SCN11A: variants seen among roughly 807,000 people sequenced by gnomAD.
SCN11A encodes the protein sodium voltage-gated channel alpha subunit 11.
Under a neutral mutation model 162.2 loss-of-function variants are expected in SCN11A, and 122 were observed. The observed-to-expected ratio is 0.75, with a 90% CI of 0.65 to 0.87. The LOEUF is 0.87. Ranked by LOEUF, SCN11A falls within the 40% of genes least tolerant of loss-of-function variation. SCN11A has a pLI of 0.00. For synonymous variants in SCN11A, 758 were observed against 751.5 expected, an observed-to-expected ratio of 1.01 and a Z score of -0.14; for missense variants, 2,015 against 2,181.6, an observed-to-expected ratio of 0.92 and a Z score of 1.52.
intron 1 of SCN11A, among the ~76,000 whole-genome samples, chr3:39,034,159 C>T (rs1036315640): frequency 6.9e-6 from 1 of 145,912 alleles, no homozygotes; most frequent in Non-Finnish European, 1.5e-5. Context: ...GAGACTCCAT[C>T]TCAAAAACAA....
intron 4 of SCN11A, among the ~76,000 whole-genome samples, chr3:38,951,613 C>T (rs1403459858): frequency 6.6e-6 from 1 of 152,258 alleles, no homozygotes; most frequent in Non-Finnish European, 1.5e-5. Flanking sequence ...CAGCTGAGCT[C>T]CTGAGTCTGG....
chr3:38,885,335 A>T lies in SCN11A; in HGVS notation c.3017T>A (p.Leu1006Ter). 6.2e-7 allele frequency: 1 copy of T among 1,613,696 alleles called. No homozygotes were observed. ...TTGCTTTTTGGGAACCATCTCAGGT[A>T]ACCATCCAAAGCCATCCTGAAGATC... ...TIDLQDGFGW[L>*]PEMVPKKQPE... Residue 1006 changes from leucine (L) to a stop codon, truncating the protein, a stop_gained, in exon 21 of 30, where the codon TTA (leucine) becomes TAA (stop). Transcript: ENST00000302328. LOFTEE classifies it high-confidence loss of function.
rs773995476 is a variant in SCN11A at position 38,904,105 on chromosome 3, TGGA to T, written c.1604-5_1604-3del. ...AAGGCTCTTGTGATTTTTCTTGTTC[TGGA>T]GGAGAATGAGCGAGAGGTTGAGGAG... On this transcript the variant is annotated splice_region_variant and splice_polypyrimidine_tract_variant and intron_variant, in intron 15 of 29. Transcript: ENST00000302328. 6.5e-7 allele frequency: 1 copy of T among 1,546,384 alleles called. No individual in the cohort carries two copies. The highest frequency in any genetic ancestry group is 8.7e-7 in the Non-Finnish European group (1 of 1,147,268).
chr3:38,937,179 C>A (rs1417527840), intron 7 of SCN11A, among the ~76,000 whole-genome samples: 2 of 151,738 alleles, frequency 1.3e-5, no homozygotes, highest in Non-Finnish European at 2.9e-5. Flanking sequence ...ATGTAGAAAG[C>A]TGAAACTGGA....
intron 2 of SCN11A, among the ~76,000 whole-genome samples, chr3:39,003,167 T>C (rs1156795082): frequency 6.6e-6 from 1 of 151,986 alleles, no homozygotes; most frequent in Non-Finnish European, 1.5e-5. Flanking sequence ...ATTTCTTCTC[T>C]TCTCCCACTT....
At chr3:38,952,832 G>T (rs2066638070) in intron 4 of SCN11A, among the ~76,000 whole-genome samples, 1 of 152,206 alleles carries the variant, frequency 6.6e-6, no homozygotes, top group Non-Finnish European at 1.5e-5. Flanking sequence ...AGCTGAGAAA[G>T]AACATGATGT....
At chr3:38,879,896 C>G in intron 23 of SCN11A, 54 bp downstream of exon 23, 1 of 1,462,156 alleles carries the variant, frequency 6.8e-7, no homozygotes, top group Non-Finnish European at 9.4e-7. Flanking sequence ...TCCATATGAT[C>G]CCTGCCTTAA....
intron 2 of SCN11A, among the ~76,000 whole-genome samples, chr3:38,999,902 T>A (rs1476145696): frequency 6.6e-6 from 1 of 152,134 alleles, no homozygotes; most frequent in African/African-American, 2.4e-5. Flanking sequence ...GCATTGCAGG[T>A]TCTTGGTGAA....
chr3:38,911,910 T>A (rs1336962641), intron 11 of SCN11A, among the ~76,000 whole-genome samples: 1 of 152,196 alleles, frequency 6.6e-6, no homozygotes, highest in Non-Finnish European at 1.5e-5. Flanking sequence ...ATGGCCACAT[T>A]TTCTGTGGCT....
intron 28 of SCN11A, among the ~76,000 whole-genome samples, chr3:38,862,199 T>TC (rs1465436714): frequency 2.0e-5 from 3 of 152,044 alleles, no homozygotes; most frequent in Non-Finnish European, 2.9e-5. Context: ...GCCACCTTAC[T>TC]CCTGCAAGAA....
intron 2 of SCN11A, among the ~76,000 whole-genome samples, chr3:38,990,178 G>A (rs903154495): frequency 1.2e-4 from 19 of 152,154 alleles, no homozygotes; most frequent in African/African-American, 4.1e-4. Context: ...TTGGCAGAGC[G>A]ACTTCTGGGG....
rs533902260 is a variant in SCN11A at position 39,037,513 on chromosome 3, T to A, written c.-403-5010A>T. On this transcript the variant is annotated intron_variant, in intron 1 of 29. Transcript: ENST00000302328. ...TGTTTGTAACGCAAAGAAATATGAA[T>A]GTTTCAGGTAATAGATACGCCATAT... Among the ~76,000 whole-genome samples the A allele has an allele frequency of 1.2e-4, 18 of 152,324 alleles. No individual in the cohort carries two copies. In the East Asian group the frequency reaches 3.5e-3, roughly 29 times the overall value.
chr3:38,983,252 G>A (rs755602134), intron 2 of SCN11A, among the ~76,000 whole-genome samples: 12 of 152,038 alleles, frequency 7.9e-5, no homozygotes, highest in Non-Finnish European at 1.5e-4. Context: ...GATGTTTTTT[G>A]CTCCATGTCA....
At chr3:38,890,174 T>G (rs1418468262) in intron 19 of SCN11A, among the ~76,000 whole-genome samples, 1 of 152,118 alleles carries the variant, frequency 6.6e-6, no homozygotes, top group Non-Finnish European at 1.5e-5. Flanking sequence ...TCCAGCTTAC[T>G]TGTAGGGCAA....
chr3:38,988,513 A>G (rs978223463), intron 2 of SCN11A, among the ~76,000 whole-genome samples: 2 of 151,930 alleles, frequency 1.3e-5, no homozygotes, highest in African/African-American at 4.8e-5. Flanking sequence ...CCTCGCACAC[A>G]TCTTTCCCCT....
At chr3:38,922,247 C>T (rs756478552) in intron 9 of SCN11A, among the ~76,000 whole-genome samples, 1 of 152,214 alleles carries the variant, frequency 6.6e-6, no homozygotes, top group African/African-American at 2.4e-5. Context: ...GGGCTTCCCA[C>T]AAAGTATAAC....
intron 2 of SCN11A, among the ~76,000 whole-genome samples, chr3:38,995,687 G>C (rs1046741214): frequency 1.3e-5 from 2 of 152,098 alleles, no homozygotes; most frequent in Admixed American, 1.3e-4. Flanking sequence ...CAGGCCTTTG[G>C]GTTTGGACTA....
chr3:38,938,509 CATATATATATATATATATATATATAT>C lies in SCN11A; in HGVS notation c.488+6876_488+6901del, dbSNP rs1166609754. Reference sequence around the variant, plus strand: ...TAAAAGAAGGCAGAAGGAAAAATATCATATATATATATATATATATATATATATATATATATATATATTTTTTTTTT... The same window carrying C: ...TAAAAGAAGGCAGAAGGAAAAATATCATATATATATATATATTTTTTTTTT... On this transcript the variant is annotated intron_variant, in intron 7 of 29. Coordinates refer to ENST00000302328, the MANE Select transcript of SCN11A (RefSeq NM_001349253.2). 1.7e-3 allele frequency among the ~76,000 whole-genome samples: 59 copies of C among 35,528 alleles called. 1 individual carries two copies. Among genetic ancestry groups the C allele is most frequent in the African/African-American group, 3.8e-3 (42 of 11,032 alleles). 23.3% of individuals were successfully genotyped at this position (35,528 alleles called of 152,430 possible). A position where few individuals can be genotyped will look rare whatever the true frequency, so the allele number is the denominator to read the frequency against.
In SCN11A at chr3:38,863,194, C is replaced by A; in HGVS notation, c.4056+1G>T. The A allele has an allele frequency of 6.5e-7, 1 of 1,532,968 alleles. No homozygotes were observed. Among genetic ancestry groups the A allele is most frequent in the South Asian group, 1.1e-5 (1 of 89,364 alleles). The allele number at this position is 1,532,968 out of a possible 1,614,324, so 95.0% of individuals were successfully genotyped here. ...ATTTACAGTCATTCAATTGCTCTCA[C>A]CAGAGGCCGTGGAATGGGTTTTTGA... is the stretch of plus-strand genomic sequence containing the variant. On this transcript the variant is annotated splice_donor_variant, in intron 28 of 29. Transcript: ENST00000302328. LOFTEE classifies it high-confidence loss of function.
Sources: gnomAD v4.1 joint callset for allele counts (sites outside exome capture counted in the v4.1 genomes callset) on GRCh38, gnomAD v4.1.1 for gene constraint, MANE v1.5 for transcripts, NCBI Gene and HGNC (gene_info 2026-07-23, HGNC 2026-07-21) for gene names.